Variants in PPP1R14C observed in about 807,000 individuals in gnomAD.
PPP1R14C encodes protein phosphatase 1 regulatory subunit 14C.
A neutral mutation model predicts 20.4 loss-of-function variants in PPP1R14C; 16 were observed. That is an observed-to-expected ratio of 0.78 (90% CI 0.53 to 1.19). The LOEUF is 1.19. PPP1R14C is among the 50% of genes most tolerant of loss of function. The probability of loss-of-function intolerance (pLI) is 0.00; values close to 1 mark genes in which losing one functional copy is unlikely to be tolerated. For missense variants in PPP1R14C, 211 were observed against 220.1 expected (o/e 0.96, Z 0.26); for synonymous variants, 91 against 91.0 (o/e 1.00, Z 0.00).
intron 3 of PPP1R14C, among the ~76,000 whole-genome samples, chr6:150,230,533 G>T (rs1778282118): frequency 6.6e-6 from 1 of 152,136 alleles, no homozygotes; most frequent in Admixed American, 6.6e-5. Flanking sequence ...TCTGCGTAGG[G>T]AATGGATGGG....
chr6:150,189,122 G>T lies in PPP1R14C; in HGVS notation c.307-25622G>T, dbSNP rs147648580. Among the ~76,000 whole-genome samples the T allele has an allele frequency of 7.6e-3, 1,163 of 152,250 alleles. 18 individuals carry two copies. The highest frequency in any genetic ancestry group is 0.026 in the African/African-American group (1,089 of 41,550). On this transcript the variant is annotated intron_variant, in intron 1 of 3. Coordinates refer to ENST00000361131, the MANE Select transcript of PPP1R14C (RefSeq NM_030949.3). Reference sequence around the variant, plus strand: ...GATCTGCCTGCTTCAGCATCTCAAAGTGCTGGGATTACAGGTGTGAGCCAC... The same window carrying T: ...GATCTGCCTGCTTCAGCATCTCAAATTGCTGGGATTACAGGTGTGAGCCAC...
At chr6:150,215,818 C>A (rs991393546) in intron 2 of PPP1R14C, among the ~76,000 whole-genome samples, 2 of 152,186 alleles carry the variant, frequency 1.3e-5, no homozygotes, top group Admixed American at 1.3e-4. Flanking sequence ...CAGGTGAGGA[C>A]CCAAGCTGGT....
At chr6:150,161,419 A>G (rs1423068401) in intron 1 of PPP1R14C, among the ~76,000 whole-genome samples, 1 of 152,220 alleles carries the variant, frequency 6.6e-6, no homozygotes, top group African/African-American at 2.4e-5. Context: ...TTATTGGCGT[A>G]TACATATCTA....
intron 1 of PPP1R14C, among the ~76,000 whole-genome samples, chr6:150,174,965 C>CAA (rs34296938): frequency 3.6e-4 from 44 of 120,916 alleles, no homozygotes; most frequent in African/African-American, 1.1e-3. Flanking sequence ...GATTCTGTCT[C>CAA]AAAAAAAAAA....
chr6:150,223,748 A>C (rs2114918249), intron 3 of PPP1R14C, among the ~76,000 whole-genome samples: 1 of 152,222 alleles, frequency 6.6e-6, no homozygotes, highest in South Asian at 2.1e-4. Flanking sequence ...ATTTTGGATA[A>C]TAGGCCTTTA....
chr6:150,217,384 C>T (rs999620651), intron 3 of PPP1R14C, among the ~76,000 whole-genome samples: 99 of 152,032 alleles, frequency 6.5e-4, no homozygotes, highest in African/African-American at 2.2e-3. Context: ...TTAGTAGAGA[C>T]GGGGTTTCAC....
At chr6:150,146,370 C>A (rs1362700241) in intron 1 of PPP1R14C, among the ~76,000 whole-genome samples, 1 of 152,204 alleles carries the variant, frequency 6.6e-6, no homozygotes, top group Non-Finnish European at 1.5e-5. Flanking sequence ...AGACATCTGT[C>A]TAAATGTTTA....
Position 150,249,384 on chromosome 6 carries a change from A to G in PPP1R14C, c.*564A>G. 2.5e-6 allele frequency: 1 copy of G among 398,858 alleles called. No individual in the cohort carries two copies. The allele number at this position is 398,858 out of a possible 1,614,324, so 24.7% of individuals were successfully genotyped here. On this transcript the variant is annotated 3_prime_UTR_variant, in exon 4 of 4. Transcript: ENST00000361131. ...AGAGGCCACTAGGCATTCTTCACTGAGTGCTGCTGACTTCAACGTTCACTT... is the reference window on the plus strand; with the variant it reads ...AGAGGCCACTAGGCATTCTTCACTGGGTGCTGCTGACTTCAACGTTCACTT...
Position 150,209,758 on chromosome 6 carries a change from T to C in PPP1R14C, c.307-4986T>C, listed in dbSNP as rs1482210519. 4.6e-5 allele frequency among the ~76,000 whole-genome samples: 7 copies of C among 151,928 alleles called. No individual in the cohort carries two copies. The South Asian group carries it at 1.2e-3, about 27-fold the overall frequency. On this transcript the variant is annotated intron_variant, in intron 1 of 3. Coordinates refer to ENST00000361131, the MANE Select transcript of PPP1R14C (RefSeq NM_030949.3). Reference sequence around the variant, plus strand: ...GTGTGTGTATTCGTGTGTGTATGTTTGTATATATATTTGTGTGTGCATGCA... The same window carrying C: ...GTGTGTGTATTCGTGTGTGTATGTTCGTATATATATTTGTGTGTGCATGCA...
intron 1 of PPP1R14C, among the ~76,000 whole-genome samples, chr6:150,173,871 T>G (rs1296073185): frequency 1.3e-5 from 2 of 152,070 alleles, no homozygotes; most frequent in African/African-American, 4.8e-5. Flanking sequence ...TCGTGAGTTC[T>G]GCTCACGCCA....
chr6:150,203,440 C>T (rs879137921), intron 1 of PPP1R14C, among the ~76,000 whole-genome samples: 5 of 152,304 alleles, frequency 3.3e-5, no homozygotes, highest in South Asian at 4.1e-4. Context: ...GTCTGCTCAC[C>T]GGCTGGAGGC....
intron 1 of PPP1R14C, among the ~76,000 whole-genome samples, chr6:150,191,680 A>G (rs1349757864): frequency 1.3e-5 from 2 of 152,246 alleles, no homozygotes; most frequent in African/African-American, 4.8e-5. Context: ...GTCATCTTTT[A>G]TGCTGGAGGC....
rs538354247 is a variant in PPP1R14C at position 150,158,767 on chromosome 6, C to T, written c.306+15269C>T. Among the ~76,000 whole-genome samples the T allele has an allele frequency of 2.0e-5, 3 of 152,264 alleles. No individual in the cohort carries two copies. The East Asian group carries it at 5.8e-4, about 29-fold the overall frequency. Reference sequence around the variant, plus strand: ...TCATGGGTAAGAAAGGGGCACAAGCCCTCTCCTGCCACAGGGCTTTACAAT... The same window carrying T: ...TCATGGGTAAGAAAGGGGCACAAGCTCTCTCCTGCCACAGGGCTTTACAAT... On this transcript the variant is annotated intron_variant, in intron 1 of 3. Coordinates refer to ENST00000361131, the MANE Select transcript of PPP1R14C (RefSeq NM_030949.3).
intron 1 of PPP1R14C, among the ~76,000 whole-genome samples, chr6:150,167,988 C>CCTTTCTCCCCT (rs750943073): frequency 2.0e-5 from 1 of 49,580 alleles, no homozygotes; most frequent in African/African-American, 8.5e-5. Flanking sequence ...CTCTCCTCCC[C>CCTTTCTCCCCT]TCTTCCTCTC....
intron 1 of PPP1R14C, among the ~76,000 whole-genome samples, chr6:150,192,303 A>AT (rs542703989): frequency 3.6e-4 from 55 of 152,098 alleles, no homozygotes; most frequent in African/African-American, 1.1e-3. Flanking sequence ...ACGGGAGACA[A>AT]TTTTTTTCAC....
intron 1 of PPP1R14C, among the ~76,000 whole-genome samples, chr6:150,196,578 A>G (rs1777807390): frequency 6.6e-6 from 1 of 151,978 alleles, no homozygotes; most frequent in Non-Finnish European, 1.5e-5. Flanking sequence ...ACCATTTAAC[A>G]CCTCTTTCTG....
chr6:150,246,134 A>G (rs909157892), intron 3 of PPP1R14C, among the ~76,000 whole-genome samples: 2 of 152,192 alleles, frequency 1.3e-5, no homozygotes, highest in Admixed American at 6.5e-5. Context: ...TTTGATTTCA[A>G]TTATCCAAAT....
At chr6:150,198,011 T>G (rs1276959351) in intron 1 of PPP1R14C, among the ~76,000 whole-genome samples, 2 of 24,248 alleles carry the variant, frequency 8.2e-5, no homozygotes, top group African/African-American at 2.2e-4. Context: ...GCCCCTGCCC[T>G]TCATGGTGGA....
In PPP1R14C at chr6:150,249,315, TTG is replaced by T. The variant is rs1778533990; in HGVS notation, c.*498_*499del. 1 of 399,044 alleles carries T rather than the reference TTG, an allele frequency of 2.5e-6. No homozygotes were observed. Among genetic ancestry groups the T allele is most frequent in the South Asian group, 1.3e-4 (1 of 7,868 alleles). 24.7% of individuals were successfully genotyped at this position (399,044 alleles called of 1,614,324 possible). Reference sequence around the variant, plus strand: ...TTTATTTCACATGGATGGAATAAACTTGTGGTTGTCCTTTAACTGGAGGTCCC... The same window carrying T: ...TTTATTTCACATGGATGGAATAAACTTGGTTGTCCTTTAACTGGAGGTCCC... On this transcript the variant is annotated 3_prime_UTR_variant, in exon 4 of 4. Transcript: ENST00000361131.
Sources: allele counts gnomAD v4.1 joint callset (sites outside exome capture counted in the v4.1 genomes callset), GRCh38; gene constraint gnomAD v4.1.1; transcripts MANE v1.5; gene names NCBI Gene and HGNC (gene_info 2026-07-23, HGNC 2026-07-21).